Variants in TTC17 observed in about 807,000 individuals in gnomAD.
TTC17 encodes the protein tetratricopeptide repeat protein 17.
A neutral mutation model predicts 143.8 loss-of-function variants in TTC17; 58 were observed. The observed-to-expected ratio is 0.40, with a 90% CI of 0.33 to 0.50. TTC17 has a LOEUF of 0.50. TTC17 is among the 20% of genes least tolerant of loss of function. The pLI is 0.49. For missense variants in TTC17, 1,273 were observed against 1,392.5 expected (o/e 0.91, Z 1.37); for synonymous variants, 501 against 497.8 (o/e 1.01, Z -0.09).
chr11:43,369,745 T>C (rs1856490603), intron 1 of TTC17, among the ~76,000 whole-genome samples: 1 of 151,894 alleles, frequency 6.6e-6, no homozygotes, highest in African/African-American at 2.4e-5. Flanking sequence ...GCCTCCCGAG[T>C]AGCTGGGACT....
chr11:43,443,413 T>G lies in TTC17; in HGVS notation c.2340T>G (p.Asp780Glu), dbSNP rs1947467213. 6.2e-7 allele frequency: 1 copy of G among 1,614,118 alleles called. No homozygotes were observed. The highest frequency in any genetic ancestry group is 8.5e-7 in the Non-Finnish European group (1 of 1,180,016). ...KMSEEILALV[D>E]EFQQAWPLEG... ...CAGAAGAAATACTGGCTTTGGTGGA[T>G]GAATTTCAACAGGCATGGCCTTTGG... Residue 780 changes from aspartate to glutamate, a missense_variant, in exon 17 of 24, where the codon GAT becomes GAG. Transcript: ENST00000039989.
chr11:43,435,042 A>G (rs1356349995), intron 16 of TTC17: 1 of 151,994 alleles, frequency 6.6e-6, no homozygotes, highest in East Asian at 1.9e-4. Flanking sequence ...ATGTGGAGAG[A>G]GCTTGATTTG....
chr11:43,403,606 C>T (rs745553366), intron 10 of TTC17, among the ~76,000 whole-genome samples: 6 of 152,136 alleles, frequency 3.9e-5, no homozygotes, highest in Non-Finnish European at 7.3e-5. Flanking sequence ...TAAGTTCCCT[C>T]GCCTCTACCC....
intron 21 of TTC17, among the ~76,000 whole-genome samples, chr11:43,482,248 G>A (rs1327777544): frequency 7.0e-6 from 1 of 143,472 alleles, no homozygotes; most frequent in Non-Finnish European, 1.5e-5. Flanking sequence ...CATTTTTTAG[G>A]TTTTTAATAG....
At chr11:43,475,165 A>C (rs985062694) in intron 21 of TTC17, among the ~76,000 whole-genome samples, 1 of 152,204 alleles carries the variant, frequency 6.6e-6, no homozygotes. Flanking sequence ...ATTTACCCTA[A>C]GAACCAAAGG....
Position 43,494,040 on chromosome 11 carries a change from A to C in TTC17, c.*136A>C, listed in dbSNP as rs1948517756. 5 of 1,258,714 alleles carry C rather than the reference A, an allele frequency of 4.0e-6. No individual in the cohort carries two copies. Among genetic ancestry groups the C allele is most frequent in the Admixed American group, 2.6e-5 (1 of 38,600 alleles). The allele number at this position is 1,258,714 out of a possible 1,614,324, so 78.0% of individuals were successfully genotyped here. ...AAGACTTATAACAGGACTTTTACAT[A>C]TGTGGGAATTGGTTTGTTTTTGTTT... is the stretch of plus-strand genomic sequence containing the variant. On this transcript the variant is annotated 3_prime_UTR_variant, in exon 24 of 24. Coordinates refer to ENST00000039989, the MANE Select transcript of TTC17 (RefSeq NM_018259.6).
intron 16 of TTC17, among the ~76,000 whole-genome samples, chr11:43,428,540 G>A (rs17594022): frequency 0.034 from 5,128 of 152,202 alleles, 107 homozygotes; most frequent in Middle Eastern, 0.078. Flanking sequence ...TTTGCTTTCC[G>A]TGCTGTAGTC....
At chr11:43,363,588 A>G (rs770779801) in intron 1 of TTC17, among the ~76,000 whole-genome samples, 7 of 152,238 alleles carry the variant, frequency 4.6e-5, no homozygotes, top group Non-Finnish European at 7.3e-5. Flanking sequence ...ACATTTTAAT[A>G]TTCGTATTCT....
intron 1 of TTC17, among the ~76,000 whole-genome samples, chr11:43,366,280 T>C (rs1459133743): frequency 5.9e-5 from 9 of 152,136 alleles, no homozygotes; most frequent in Non-Finnish European, 1.2e-4. Flanking sequence ...TCTTCTCCTT[T>C]GTTTTATTTA....
At chr11:43,485,992 T>C (rs1948374678) in intron 21 of TTC17, among the ~76,000 whole-genome samples, 1 of 150,016 alleles carries the variant, frequency 6.7e-6, no homozygotes, top group Admixed American at 6.8e-5. Flanking sequence ...GCAATCTAAA[T>C]GCCCATCTAC....
rs765095617 is a variant in TTC17 at position 43,448,005 on chromosome 11, A to C, written c.2669A>C (p.Lys890Thr). 6.2e-7 allele frequency: 1 copy of C among 1,613,770 alleles called. No individual in the cohort carries two copies. The highest frequency in any genetic ancestry group is 1.7e-5 in the Admixed American group (1 of 59,966). ...PKVASPGPQG[K>T]KRDYQRLGWP... ...TCATGGCATACTTTCCTTCCAGGAAAAAAACGTGACTACCAGCGTCTGGGA... is the reference window on the plus strand; with the variant it reads ...TCATGGCATACTTTCCTTCCAGGAACAAAACGTGACTACCAGCGTCTGGGA... Residue 890 changes from lysine (K) to threonine (T), a missense_variant, in exon 19 of 24, where the codon AAA becomes ACA. By Grantham distance (78) the Lys-to-Thr change is moderately conservative. This residue lies in a region of TTC17 where 878 missense variants were observed against 899.8 expected (regional missense o/e 0.98). Coordinates refer to ENST00000039989, the MANE Select transcript of TTC17 (RefSeq NM_018259.6).
In TTC17 at chr11:43,373,747, A is replaced by G. The variant is rs1222377430; in HGVS notation, c.160-5486A>G. On this transcript the variant is annotated intron_variant, in intron 1 of 23. Transcript: ENST00000039989. ...GAATATCAGACTATTTTGGGGGTAT[A>G]GGTCTGGCTAGTAAAAATGTGATAC... 4.6e-5 allele frequency among the ~76,000 whole-genome samples: 7 copies of G among 152,362 alleles called. No homozygotes were observed. In the East Asian group the frequency reaches 1.3e-3, roughly 29 times the overall value.
At chr11:43,366,903 C>A (rs1024463487) in intron 1 of TTC17, among the ~76,000 whole-genome samples, 1 of 152,084 alleles carries the variant, frequency 6.6e-6, no homozygotes, top group Non-Finnish European at 1.5e-5. Flanking sequence ...TTGTTCTTCC[C>A]CCAACACTCG....
chr11:43,420,066 G>A (rs1426605667), intron 16 of TTC17, among the ~76,000 whole-genome samples: 1 of 152,180 alleles, frequency 6.6e-6, no homozygotes, highest in African/African-American at 2.4e-5. Context: ...TTAACAAACA[G>A]TTTTTTAACA....
intron 21 of TTC17, among the ~76,000 whole-genome samples, chr11:43,479,397 A>G (rs1365147494): frequency 6.6e-6 from 1 of 152,226 alleles, no homozygotes; most frequent in African/African-American, 2.4e-5. Flanking sequence ...ACTAAAATAA[A>G]TTGTGTAAGT....
intron 16 of TTC17, among the ~76,000 whole-genome samples, chr11:43,415,743 AGACGG>A (rs1946764031): frequency 6.6e-6 from 1 of 152,200 alleles, no homozygotes; most frequent in African/African-American, 2.4e-5. Context: ...ATAGAGTGAT[AGACGG>A]TAAGTAGTGC....
At chr11:43,434,420 C>G (rs1008155312) in intron 16 of TTC17, among the ~76,000 whole-genome samples, 10 of 152,160 alleles carry the variant, frequency 6.6e-5, no homozygotes, top group African/African-American at 1.9e-4. Context: ...CGGGGGGAAG[C>G]CTAGAAGCCT....
Position 43,417,781 on chromosome 11 carries a change from G to C in TTC17, c.2251+3005G>C, listed in dbSNP as rs186669985. On this transcript the variant is annotated intron_variant, in intron 16 of 23. Coordinates refer to ENST00000039989, the MANE Select transcript of TTC17 (RefSeq NM_018259.6). ...TGAAGTTCAGGCTTGAACCCAGGAG[G>C]CAGAGGTTGCGGTGAGCTGAGATTG... is the stretch of plus-strand genomic sequence containing the variant. Among the ~76,000 whole-genome samples the C allele has an allele frequency of 9.3e-4, 142 of 152,332 alleles. 1 individual carries two copies. In the Middle Eastern group the frequency reaches 0.014, roughly 15 times the overall value.
chr11:43,373,147 T>C (rs1158896070), intron 1 of TTC17, among the ~76,000 whole-genome samples: 1 of 152,102 alleles, frequency 6.6e-6, no homozygotes, highest in Non-Finnish European at 1.5e-5. Flanking sequence ...GGTACTGTGT[T>C]TGTTTTTACA....
Sources: allele counts gnomAD v4.1 joint callset (sites outside exome capture counted in the v4.1 genomes callset), GRCh38; gene constraint gnomAD v4.1.1; regional missense constraint gnomAD v4.1.1; transcripts MANE v1.5; gene names NCBI Gene and HGNC (gene_info 2026-07-23, HGNC 2026-07-21).